Variants in PRC1 observed in about 807,000 individuals in gnomAD.
The protein encoded by PRC1 is protein regulator of cytokinesis 1.
A neutral mutation model predicts 91.2 loss-of-function variants in PRC1; 54 were observed. That is an observed-to-expected ratio of 0.59 (90% CI 0.48 to 0.74). The LOEUF is 0.74. PRC1 is among the 30% of genes least tolerant of loss of function. PRC1 has a pLI of 0.00. For missense variants in PRC1, 727 were observed against 746.2 expected, an observed-to-expected ratio of 0.97 and a Z score of 0.30; for synonymous variants, 275 against 263.6, an observed-to-expected ratio of 1.04 and a Z score of -0.42.
chr15:90,983,993 A>G lies in PRC1; in HGVS notation c.267+25T>C, dbSNP rs762640141. 3.7e-6 allele frequency: 6 copies of G among 1,612,974 alleles called. No individual in the cohort carries two copies. The Admixed American group carries it at 6.7e-5, about 18-fold the overall frequency. On this transcript the variant is annotated intron_variant, in intron 3 of 14. Coordinates refer to ENST00000394249, the MANE Select transcript of PRC1 (RefSeq NM_003981.4). ...AGTCTCAGGCCCCAGACAGATCACC[A>G]GAGACCCTGTGGGCTGCCACGGACC...
At chr15:90,983,821 C>A in intron 3 of PRC1, 197 bp downstream of exon 3, 1 of 588,328 alleles carries the variant, frequency 1.7e-6, no homozygotes, top group Non-Finnish European at 2.7e-6. Context: ...GTTGCTTCAC[C>A]TCTTACCAGG....
In PRC1 at chr15:90,974,417, C is replaced by A. The variant is rs2038476676; in HGVS notation, c.1350+168G>T. On this transcript the variant is annotated intron_variant, in intron 10 of 14. Transcript: ENST00000394249. The surrounding 1 kb of genome is among the most constrained non-coding windows in gnomAD (Gnocchi z 4.6). ...GGTCCCCGGCTCCCCGTTCCACAAG[C>A]CCCGGTCCCCGGCTCCCCGTTCCAC... is the stretch of plus-strand genomic sequence containing the variant. Among the ~76,000 whole-genome samples the A allele has an allele frequency of 1.3e-5, 2 of 152,004 alleles. No homozygotes were observed. Among genetic ancestry groups the A allele is most frequent in the African/African-American group, 2.4e-5 (1 of 41,358 alleles).
Position 90,970,392 on chromosome 15 carries a change from G to A in PRC1, c.1572+12C>T, listed in dbSNP as rs749351376. ...GCATGTGAGGATGTGCTTAGACACAGGGCATACTAACCTTGCTGCCAGAAG... is the reference window on the plus strand; with the variant it reads ...GCATGTGAGGATGTGCTTAGACACAAGGCATACTAACCTTGCTGCCAGAAG... On this transcript the variant is annotated intron_variant, in intron 12 of 14. Transcript: ENST00000394249. The A allele has an allele frequency of 4.5e-6, 7 of 1,564,966 alleles. No individual in the cohort carries two copies. Among genetic ancestry groups the A allele is most frequent in the Admixed American group, 1.7e-5 (1 of 59,924 alleles).
In PRC1 at chr15:90,980,935, T is replaced by G. The variant is rs529948276; in HGVS notation, c.771A>C (p.Arg257Ser). 6.2e-7 allele frequency: 1 copy of G among 1,614,216 alleles called. No homozygotes were observed. Among genetic ancestry groups the G allele is most frequent in the East Asian group, 2.2e-5 (1 of 44,886 alleles). ...CAGACATAATGGTGGCCACAGCTTC[T>G]CTTTCTTCTTCAGGTATTTGCAACC... ...WDRLQIPEEE[R>S]EAVATIMSGS... Residue 257 changes from arginine (R) to serine (S), a missense_variant, in exon 6 of 15, where the codon AGA (arginine) becomes AGC (serine). Physicochemically the swap from Arg to Ser is moderately radical, Grantham distance 110 (BLOSUM62 -1). Transcript: ENST00000394249.
At chr15:90,973,072 AC>A (rs2038305947) in intron 11 of PRC1, 1 of 152,184 alleles carries the variant, frequency 6.6e-6, no homozygotes, top group Non-Finnish European at 1.5e-5. Flanking sequence ...GGACAGAAAA[AC>A]CCTTTCCCAT....
intron 11 of PRC1, among the ~76,000 whole-genome samples, chr15:90,972,339 C>T (rs547307399): frequency 1.3e-4 from 20 of 151,842 alleles, no homozygotes; most frequent in African/African-American, 3.1e-4. Context: ...GCCATGATGG[C>T]GCCACTGCAC....
At chr15:90,981,075 G>C (rs548375030) in intron 5 of PRC1, 42 bp from the exon 6 acceptor site, 2 of 1,610,672 alleles carry the variant, frequency 1.2e-6, no homozygotes, top group Non-Finnish European at 8.5e-7. Context: ...CAAAGCAGCA[G>C]CACAGAGGCT....
At chr15:90,990,639 T>C (rs1020487761) in intron 1 of PRC1, among the ~76,000 whole-genome samples, 2 of 152,082 alleles carry the variant, frequency 1.3e-5, no homozygotes, top group African/African-American at 4.8e-5. Flanking sequence ...TTGATTGCAG[T>C]GATGATTGCA....
intron 7 of PRC1, among the ~76,000 whole-genome samples, chr15:90,979,514 G>C (rs989642298): frequency 6.6e-6 from 1 of 152,166 alleles, no homozygotes; most frequent in African/African-American, 2.4e-5. Flanking sequence ...CTAGGATAGA[G>C]ACTAAAATAA....
intron 3 of PRC1, 108 bp downstream of exon 3, chr15:90,983,910 A>C: frequency 8.4e-6 from 12 of 1,428,582 alleles, no homozygotes. Flanking sequence ...TCTTACGTCT[A>C]GCTCCATCCC....
chr15:90,967,417 C>T, intron 14 of PRC1: 1 of 569,558 alleles, frequency 1.8e-6, no homozygotes, highest in Non-Finnish European at 3.1e-6. Flanking sequence ...TGCCCGTGAC[C>T]CCTTTTTCCT....
intron 7 of PRC1, among the ~76,000 whole-genome samples, chr15:90,980,022 T>C (rs1477100373): frequency 6.6e-6 from 1 of 152,262 alleles, no homozygotes; most frequent in Non-Finnish European, 1.5e-5. Context: ...TGGCTTTATC[T>C]GTTCAGAAAA....
chr15:90,994,383 C>T (rs1023712255), intron 1 of PRC1, 24 bp downstream of exon 1: 1 of 1,612,348 alleles, frequency 6.2e-7, no homozygotes, highest in Admixed American at 1.7e-5. Context: ...TCCCGCGTCC[C>T]CTCGATTTCC....
At chr15:90,985,073 A>T (rs2039484371) in intron 1 of PRC1, among the ~76,000 whole-genome samples, 2 of 152,244 alleles carry the variant, frequency 1.3e-5, no homozygotes, top group Admixed American at 1.3e-4. Context: ...TTCAACAATG[A>T]TCTACCTATG....
At chr15:90,983,837 T>C in intron 3 of PRC1, 181 bp downstream of exon 3, 1 of 707,678 alleles carries the variant, frequency 1.4e-6, no homozygotes, top group East Asian at 2.8e-5. Context: ...CCAGGGCAAC[T>C]CTCTACAGAG....
intron 6 of PRC1, chr15:90,980,664 C>T (rs1191653802): frequency 1.4e-5 from 10 of 694,600 alleles, no homozygotes; most frequent in Admixed American, 6.0e-5. Context: ...GGATTACAGG[C>T]GCACGCCACT....
At chr15:90,982,571 A>G (rs923528218) in intron 3 of PRC1, 2 of 152,766 alleles carry the variant, frequency 1.3e-5, no homozygotes, top group African/African-American at 4.8e-5. Context: ...ACATGGTGAA[A>G]CCCCGTCTTT....
At chr15:90,980,511 A>AT in intron 6 of PRC1, 122 bp from the exon 7 acceptor site, 3 of 811,420 alleles carry the variant, frequency 3.7e-6, no homozygotes, top group Non-Finnish European at 5.2e-6. Context: ...ATAAATCAAC[A>AT]CTTTTTTTTT....
At chr15:90,990,208 C>G (rs2039882921) in intron 1 of PRC1, among the ~76,000 whole-genome samples, 1 of 151,686 alleles carries the variant, frequency 6.6e-6, no homozygotes, top group African/African-American at 2.4e-5. Flanking sequence ...TGGTGGTGGG[C>G]ACCTGTAATC....
Sources: gnomAD v4.1 joint callset for allele counts (sites outside exome capture counted in the v4.1 genomes callset) on GRCh38, gnomAD v4.1.1 for gene constraint, Gnocchi (gnomAD v3.1) non-coding constraint, MANE v1.5 for transcripts, NCBI Gene and HGNC (gene_info 2026-07-23, HGNC 2026-07-21) for gene names.